RGS5: variants seen among roughly 807,000 people sequenced by gnomAD.
RGS5 encodes regulator of G protein signaling 5, also known as regulator of G-protein signalling 5.
Under a neutral mutation model 18.9 loss-of-function variants are expected in RGS5, and 20 were observed. That is an observed-to-expected ratio of 1.06 (90% CI 0.74 to 1.54). The LOEUF (loss-of-function observed/expected upper bound fraction) is 1.54. Among genes scored for constraint, RGS5 ranks in the 40% most tolerant of loss-of-function variants. The pLI is 0.00. For missense variants in RGS5, 201 were observed against 211.8 expected (o/e 0.95, Z 0.32); for synonymous variants, 57 against 76.2 (o/e 0.75, Z 1.31).
At chr1:163,161,502 G>C (rs895141180) in intron 3 of RGS5, among the ~76,000 whole-genome samples, 2 of 152,126 alleles carry the variant, frequency 1.3e-5, no homozygotes, top group African/African-American at 2.4e-5. Context: ...GTTTGAACCA[G>C]GATGTACTAC....
At chr1:163,214,222 T>C (rs992844302) in intron 1 of RGS5, among the ~76,000 whole-genome samples, 2 of 152,152 alleles carry the variant, frequency 1.3e-5, no homozygotes, top group African/African-American at 4.8e-5. Context: ...GAAAATCACA[T>C]AGGTTCTCAC....
intron 3 of RGS5, among the ~76,000 whole-genome samples, chr1:163,152,945 T>C (rs1395959): frequency 0.56 from 84,594 of 151,980 alleles, 25,856 homozygotes; most frequent in South Asian, 0.72. Context: ...CATGCAGAGC[T>C]GTATGGAACT....
chr1:163,183,784 C>T (rs1262382414), intron 1 of RGS5, among the ~76,000 whole-genome samples: 1 of 152,178 alleles, frequency 6.6e-6, no homozygotes, highest in African/African-American at 2.4e-5. Context: ...GGAGATCTTG[C>T]TGGGACCTTG....
At chr1:163,246,193 C>A (rs561967804) in intron 2 of RGS5, among the ~76,000 whole-genome samples, 1 of 150,536 alleles carries the variant, frequency 6.6e-6, no homozygotes, top group South Asian at 2.1e-4. Flanking sequence ...TGCACTCCAG[C>A]CTGGGCGACA....
At chr1:163,279,875 A>G (rs1214899815) in intron 2 of RGS5, among the ~76,000 whole-genome samples, 1 of 151,994 alleles carries the variant, frequency 6.6e-6, no homozygotes, top group Admixed American at 6.6e-5. Flanking sequence ...GAGTATTATG[A>G]AAAACCACAC....
chr1:163,146,193 T>C lies in RGS5; in HGVS notation c.*1149A>G, dbSNP rs1025442441. On this transcript the variant is annotated 3_prime_UTR_variant, in exon 5 of 5. Coordinates refer to ENST00000313961, the MANE Select transcript of RGS5 (RefSeq NM_003617.4). ...TTTGACTGTAAGTAAAATTTGCTAA[T>C]GCAGGAAGCGAAATAGTGAAGGAAT... The C allele has an allele frequency of 4.6e-5, 7 of 151,940 alleles. No individual in the cohort carries two copies. The highest frequency in any genetic ancestry group is 1.7e-4 in the African/African-American group (7 of 41,394). The allele number at this position is 151,940 out of a possible 1,614,324, so 9.4% of individuals were successfully genotyped here.
intron 2 of RGS5, among the ~76,000 whole-genome samples, chr1:163,268,281 G>T (rs1648624574): frequency 6.6e-6 from 1 of 152,084 alleles, no homozygotes; most frequent in South Asian, 2.1e-4. Context: ...GAAGCATGAA[G>T]CACAGAACCC....
chr1:163,319,977 G>A (rs1203329387), intron 1 of RGS5, among the ~76,000 whole-genome samples: 1 of 152,112 alleles, frequency 6.6e-6, no homozygotes, highest in African/African-American at 2.4e-5. Context: ...AAGGTAATTT[G>A]AATAAACACT....
intron 1 of RGS5, among the ~76,000 whole-genome samples, chr1:163,182,152 G>C (rs1658876900): frequency 6.6e-6 from 1 of 152,048 alleles, no homozygotes; most frequent in Admixed American, 6.6e-5. Context: ...TAATTGAATG[G>C]ATAAATGGAT....
intron 1 of RGS5, among the ~76,000 whole-genome samples, chr1:163,188,044 G>T (rs756639684): frequency 2.0e-5 from 3 of 152,080 alleles, no homozygotes; most frequent in Non-Finnish European, 4.4e-5. Flanking sequence ...CTTGATGATT[G>T]TTGTGGTGGT....
chr1:163,248,328 C>A (rs1647999889), intron 2 of RGS5: 1 of 152,104 alleles, frequency 6.6e-6, no homozygotes, highest in Non-Finnish European at 1.5e-5. Flanking sequence ...ACTTTAATAA[C>A]TGCTGACACT....
At chr1:163,196,710 CATT>C (rs1659576699) in intron 1 of RGS5, among the ~76,000 whole-genome samples, 1 of 152,150 alleles carries the variant, frequency 6.6e-6, no homozygotes, top group Admixed American at 6.6e-5. Context: ...AGGCTTTCCT[CATT>C]ATAGAAATGC....
chr1:163,230,587 T>C (rs1647454736), intron 2 of RGS5, among the ~76,000 whole-genome samples: 1 of 152,218 alleles, frequency 6.6e-6, no homozygotes, highest in African/African-American at 2.4e-5. Flanking sequence ...TGTCAACTCA[T>C]GCCTTTCTTG....
intron 2 of RGS5, among the ~76,000 whole-genome samples, chr1:163,291,283 G>T (rs564063814): frequency 6.6e-6 from 1 of 152,134 alleles, no homozygotes; most frequent in Non-Finnish European, 1.5e-5. Flanking sequence ...CGGCGGGCAG[G>T]GGGGTATCTA....
intron 1 of RGS5, among the ~76,000 whole-genome samples, chr1:163,192,929 A>G (rs1333286503): frequency 6.6e-6 from 1 of 152,170 alleles, no homozygotes; most frequent in Non-Finnish European, 1.5e-5. Flanking sequence ...CTATTTTTTA[A>G]TGGAACATCT....
intron 1 of RGS5, among the ~76,000 whole-genome samples, chr1:163,197,610 A>G (rs1425053612): frequency 1.3e-5 from 2 of 152,142 alleles, no homozygotes; most frequent in Admixed American, 6.6e-5. Context: ...TAGAGAAATC[A>G]CTGATATTGT....
At chr1:163,220,343 T>C (rs773234947), upstream of RGS5, among the ~76,000 whole-genome samples, 18 of 152,176 alleles carry the variant, frequency 1.2e-4, no homozygotes, top group Non-Finnish European at 2.1e-4. Context: ...TCAATATCGA[T>C]ATAACACTCA....
chr1:163,235,164 C>T (rs1289122859), intron 2 of RGS5, among the ~76,000 whole-genome samples: 2 of 152,170 alleles, frequency 1.3e-5, no homozygotes, highest in Non-Finnish European at 2.9e-5. Flanking sequence ...TAATTCATAT[C>T]CCTTCTACAT....
chr1:163,278,399 A>G (rs1443478928), intron 2 of RGS5, among the ~76,000 whole-genome samples: 1 of 152,182 alleles, frequency 6.6e-6, no homozygotes, highest in African/African-American at 2.4e-5. Flanking sequence ...GAAATGGAGA[A>G]ATAAAATTTT....
Sources: gnomAD v4.1 joint callset for allele counts (sites outside exome capture counted in the v4.1 genomes callset) on GRCh38, gnomAD v4.1.1 for gene constraint, MANE v1.5 for transcripts, NCBI Gene and HGNC (gene_info 2026-07-23, HGNC 2026-07-21) for gene names.